CNTRL: variants seen among roughly 807,000 people sequenced by gnomAD.
CNTRL encodes centriolin, also known as 110 kDa centrosomal protein.
A neutral mutation model predicts 303.7 loss-of-function variants in CNTRL; 233 were observed. That is an observed-to-expected ratio of 0.77 (90% CI 0.69 to 0.86). CNTRL has a LOEUF of 0.86. Ranked by LOEUF, CNTRL falls within the 40% of genes least tolerant of loss-of-function variation. The probability of loss-of-function intolerance (pLI) is 0.00; values close to 1 mark genes in which losing one functional copy is unlikely to be tolerated. For synonymous variants in CNTRL, 900 were observed against 922.2 expected, an observed-to-expected ratio of 0.98 and a Z score of 0.44; for missense variants, 2,524 against 2,650.6, an observed-to-expected ratio of 0.95 and a Z score of 1.05.
Position 121,123,577 on chromosome 9 carries a change from T to TGAC in CNTRL, c.1651-352_1651-351insCGA, listed in dbSNP as rs777390891. Among the ~76,000 whole-genome samples, 5 of 152,224 alleles carry TGAC rather than the reference T, an allele frequency of 3.3e-5. No homozygotes were observed. In the East Asian group the frequency reaches 9.6e-4, roughly 29 times the overall value. The stretch of plus-strand genomic sequence containing the variant: ...TCGTGCCTCTGCACTCTAGCCTGGG[T>TGAC]GATGGAGTCAGACTCCATCTCAAAA... On this transcript the variant is annotated intron_variant, in intron 12 of 43. Coordinates refer to ENST00000373855, the MANE Select transcript of CNTRL (RefSeq NM_007018.6).
At position 121,094,920 on chromosome 9, in the gene CNTRL, T is replaced by TG; in HGVS notation, c.382dup (p.Glu128GlyfsTer8). 1 of 1,582,562 alleles carries TG rather than the reference T, an allele frequency of 6.3e-7. No homozygotes were observed. The highest frequency in any genetic ancestry group is 1.4e-5 in the African/African-American group (1 of 73,794). On this transcript the variant is annotated frameshift_variant, in exon 5 of 44. Coordinates refer to ENST00000373855, the MANE Select transcript of CNTRL (RefSeq NM_007018.6). LOFTEE classifies it high-confidence loss of function. Reference sequence around the variant, plus strand: ...AGAATTTGGAAAAATGTGTTAAACTTGAAGTACTGAATCTCAGCTATAATC... The same window carrying TG: ...AGAATTTGGAAAAATGTGTTAAACTTGGAAGTACTGAATCTCAGCTATAATC...
At chr9:121,113,210 C>T (rs1355330413) in intron 9 of CNTRL, among the ~76,000 whole-genome samples, 1 of 152,126 alleles carries the variant, frequency 6.6e-6, no homozygotes, top group East Asian at 1.9e-4. Context: ...AGAGATCAAG[C>T]AGTGCTAAAA....
At chr9:121,117,434 GAGAT>G (rs757542819) in intron 11 of CNTRL, among the ~76,000 whole-genome samples, 2 of 152,116 alleles carry the variant, frequency 1.3e-5, no homozygotes, top group African/African-American at 2.4e-5. Flanking sequence ...TTAGAAATAA[GAGAT>G]AGAGTATTAA....
intron 30 of CNTRL, 157 bp from the exon 31 acceptor site, chr9:121,158,698 T>A (rs552992380): frequency 1.5e-6 from 1 of 663,090 alleles, no homozygotes; most frequent in South Asian, 1.9e-5. Context: ...AGGTTTTCAT[T>A]AGGCATTTCA....
chr9:121,148,057 G>T (rs1346828950), intron 23 of CNTRL, among the ~76,000 whole-genome samples: 1 of 152,112 alleles, frequency 6.6e-6, no homozygotes, highest in African/African-American at 2.4e-5. Context: ...GGGCCATCAA[G>T]GATGAGGTTA....
chr9:121,125,144 A>G (rs982001010), intron 13 of CNTRL, among the ~76,000 whole-genome samples: 2 of 149,142 alleles, frequency 1.3e-5, no homozygotes, highest in Admixed American at 1.3e-4. Flanking sequence ...TTTGGTACAT[A>G]TTTTTTATTT....
At position 121,177,257 on chromosome 9, in the gene CNTRL, G is replaced by C; in HGVS notation, c.*71G>C. The C allele has an allele frequency of 7.6e-7, 1 of 1,308,688 alleles. No homozygotes were observed. The highest frequency in any genetic ancestry group is 1.2e-5 in the South Asian group (1 of 80,772). 81.1% of individuals were successfully genotyped at this position (1,308,688 alleles called of 1,614,324 possible). On this transcript the variant is annotated 3_prime_UTR_variant, in exon 44 of 44. Transcript: ENST00000373855. ...ACCTCACTGACTTCATAATTGGAAT[G>C]TCACATGGTTTTTTTAATCAAGATG...
At chr9:121,115,058 C>T in intron 10 of CNTRL, 33 bp from the exon 11 acceptor site, 1 of 1,307,500 alleles carries the variant, frequency 7.6e-7, no homozygotes, top group African/African-American at 1.5e-5. Context: ...TTTCTTGTTT[C>T]ATATTATGTG....
rs202018262 is a variant in CNTRL at position 121,163,330 on chromosome 9, T to A, written c.5423+1059T>A. Among the ~76,000 whole-genome samples the A allele has an allele frequency of 4.3e-3, 514 of 118,982 alleles. 6 individuals carry two copies. The highest frequency in any genetic ancestry group is 0.021 in the Middle Eastern group (5 of 240). 78.1% of individuals were successfully genotyped at this position (118,982 alleles called of 152,430 possible). Reference sequence around the variant, plus strand: ...GTGAGACCCTGTTTCAAAAAAAAAATATATATATATATACATATTTATTTT... The same window carrying A: ...GTGAGACCCTGTTTCAAAAAAAAAAAATATATATATATACATATTTATTTT... On this transcript the variant is annotated intron_variant, in intron 34 of 43. Transcript: ENST00000373855.
intron 2 of CNTRL, among the ~76,000 whole-genome samples, chr9:121,082,089 T>A (rs978744494): frequency 6.6e-6 from 1 of 152,194 alleles, no homozygotes; most frequent in African/African-American, 2.4e-5. Context: ...AAAAGAGAAA[T>A]TATCAACACA....
Position 121,092,443 on chromosome 9 carries a change from GATAATATATATCTATAT to G in CNTRL, c.348+2042_348+2058del, listed in dbSNP as rs1379424607. On this transcript the variant is annotated intron_variant, in intron 4 of 43. Transcript: ENST00000373855. ...AGAGTGAGATATAGATAGATAGATA[GATAATATATATCTATAT>G]ATATATAATATATATCTATATATAT... is the stretch of plus-strand genomic sequence containing the variant. Among the ~76,000 whole-genome samples, 454 of 91,132 alleles carry G rather than the reference GATAATATATATCTATAT, an allele frequency of 5.0e-3. 103 individuals are homozygous for G. Among genetic ancestry groups the G allele is most frequent in the East Asian group, 0.023 (69 of 2,972 alleles). 59.8% of individuals were successfully genotyped at this position (91,132 alleles called of 152,430 possible). A position where few individuals can be genotyped will look rare whatever the true frequency, so the allele number is the denominator to read the frequency against.
intron 24 of CNTRL, 64 bp downstream of exon 24, chr9:121,148,925 T>A: frequency 6.2e-6 from 9 of 1,449,992 alleles, no homozygotes; most frequent in Non-Finnish European, 8.5e-6. Context: ...TTACTGATTC[T>A]CTGAAACCCC....
At chr9:121,162,624 G>C (rs987912413) in intron 34 of CNTRL, among the ~76,000 whole-genome samples, 1 of 152,076 alleles carries the variant, frequency 6.6e-6, no homozygotes, top group African/African-American at 2.4e-5. Context: ...AATCTCAATA[G>C]CCTTTCCTTG....
chr9:121,161,158 A>ACG (rs2052834397), intron 32 of CNTRL: 1 of 383,410 alleles, frequency 2.6e-6, no homozygotes, highest in Non-Finnish European at 4.9e-6. Flanking sequence ...GCGCGTGCTC[A>ACG]CGCGCACACA....
intron 7 of CNTRL, among the ~76,000 whole-genome samples, chr9:121,102,446 G>T (rs2049225782): frequency 6.6e-6 from 1 of 152,118 alleles, no homozygotes; most frequent in South Asian, 2.1e-4. Context: ...ATATCATACT[G>T]AATGGGCAAA....
chr9:121,075,446 C>G, intron 1 of CNTRL, among the ~76,000 whole-genome samples: 1 of 152,118 alleles, frequency 6.6e-6, no homozygotes, highest in Non-Finnish European at 1.5e-5. Flanking sequence ...GGAGAAAGGA[C>G]AGTTTGGGCG....
chr9:121,160,086 G>T, intron 31 of CNTRL, 57 bp from the exon 32 acceptor site: 1 of 1,225,604 alleles, frequency 8.2e-7, no homozygotes, highest in Non-Finnish European at 1.1e-6. Flanking sequence ...AACTTATTTT[G>T]AAGTAATTTT....
chr9:121,167,546 C>T lies in CNTRL; in HGVS notation c.5713C>T (p.Gln1905Ter). 6.2e-7 allele frequency: 1 copy of T among 1,614,022 alleles called. No individual in the cohort carries two copies. Among genetic ancestry groups the T allele is most frequent in the Non-Finnish European group, 8.5e-7 (1 of 1,180,000 alleles). ...GTTGCTCAGTGAGCAGACCCGACTC[C>T]AGAAGGACATCAGTGAATGGGCAAA... Reference protein sequence around the residue: ...DVLLSEQTRLQKDISEWANRF... With the variant: ...DVLLSEQTRL Residue 1905 changes from glutamine (Q) to a stop codon, truncating the protein, a stop_gained, in exon 37 of 44, where the codon CAG becomes TAG. Transcript: ENST00000373855. LOFTEE classifies it high-confidence loss of function.
At chr9:121,173,127 A>G (rs935433115) in intron 40 of CNTRL, 116 bp from the exon 41 acceptor site, 1 of 893,956 alleles carries the variant, frequency 1.1e-6, no homozygotes, top group East Asian at 2.6e-5. Context: ...TTACAGTTCT[A>G]GTAATCATAG....
Sources: gnomAD v4.1 joint callset for allele counts (sites outside exome capture counted in the v4.1 genomes callset) on GRCh38, gnomAD v4.1.1 for gene constraint, MANE v1.5 for transcripts, NCBI Gene and HGNC (gene_info 2026-07-23, HGNC 2026-07-21) for gene names.